The following RBM41 variants were observed in gnomAD, a reference collection of about 807,000 sequenced individuals.
RBM41 encodes the protein RNA binding motif protein 41, also known as RNA-binding protein 41.
A neutral mutation model predicts 30.8 loss-of-function variants in RBM41; 14 were observed. That is an observed-to-expected ratio of 0.45 (90% confidence interval 0.30 to 0.71). The LOEUF (loss-of-function observed/expected upper bound fraction) is 0.71. RBM41 is among the 30% of genes least tolerant of loss of function. The pLI, the probability that RBM41 is intolerant of heterozygous loss-of-function variation, is 0.08. For synonymous variants in RBM41, 120 were observed against 110.1 expected, an observed-to-expected ratio of 1.09 and a Z score of -0.56; for missense variants, 276 against 326.3, an observed-to-expected ratio of 0.85 and a Z score of 1.19.
At chrX:107,114,874 T>C (rs1260774263) in intron 4 of RBM41, 2 of 119,128 alleles carry the variant, frequency 1.7e-5, no homozygotes, top group African/African-American at 6.5e-5. Context: ...CTAAAGACCC[T>C]TCACAATCTA....
intron 5 of RBM41, among the ~76,000 whole-genome samples, chrX:107,104,597 T>C (rs908495621): frequency 1.8e-5 from 2 of 111,674 alleles, no homozygotes; most frequent in Non-Finnish European, 3.8e-5. Flanking sequence ...CTTATTATGG[T>C]ATACAGTAAA....
chrX:107,053,858 T>C, the RBM41 span, among the ~76,000 whole-genome samples: 1 of 112,040 alleles, frequency 8.9e-6, no homozygotes, highest in African/African-American at 3.2e-5. Flanking sequence ...CAACTAGGAT[T>C]AATCATTTTC....
chrX:107,104,331 AT>A lies in RBM41; in HGVS notation c.595+9065del, dbSNP rs752814957. Among the ~76,000 whole-genome samples the A allele has an allele frequency of 9.3e-3, 1,035 of 111,382 alleles. 14 individuals are homozygous for A. The highest frequency in any genetic ancestry group is 0.032 in the African/African-American group (971 of 30,685). ...AACATACATTAATAAAGATGGATTG[AT>A]AGATGGGTATGGGTATAGATAGATT... is the stretch of plus-strand genomic sequence containing the variant. On this transcript the variant is annotated intron_variant, in intron 5 of 7. Coordinates refer to ENST00000685964, the MANE Select transcript of RBM41 (RefSeq NM_001324242.2).
intron 5 of RBM41, among the ~76,000 whole-genome samples, chrX:107,104,079 C>T (rs946461671): frequency 1.8e-5 from 2 of 110,242 alleles, no homozygotes; most frequent in Admixed American, 9.7e-5. Flanking sequence ...TCCCCGCTCC[C>T]CTCCCCTACC....
At chrX:107,080,584 C>CATGAA (rs1921422546) in intron 6 of RBM41, among the ~76,000 whole-genome samples, 1 of 85,181 alleles carries the variant, frequency 1.2e-5, no homozygotes, top group African/African-American at 5.5e-5. Context: ...TGCCTCAAAA[C>CATGAA]ACGAAACAAA....
intron 5 of RBM41, among the ~76,000 whole-genome samples, chrX:107,092,995 T>C (rs1275108535): frequency 8.9e-6 from 1 of 112,036 alleles, no homozygotes; most frequent in Non-Finnish European, 1.9e-5. Context: ...TATAAAATTC[T>C]GGTACGTTTA....
At position 107,067,651 on chromosome X, in the gene RBM41, T is replaced by C; in HGVS notation, c.1190A>G (p.Tyr397Cys). Reference sequence around the variant, plus strand: ...CACCAATATTTTCCCATGTAGTTTGTATCCATTTACTAGATGCAATGCTTG... The same window carrying C: ...CACCAATATTTTCCCATGTAGTTTGCATCCATTTACTAGATGCAATGCTTG... Reference protein sequence around the residue: ...AWQALHLVNGYKLHGKILVIE... With the variant: ...AWQALHLVNGCKLHGKILVIE... Residue 397 changes from tyrosine to cysteine, a missense_variant, in exon 8 of 8, where the codon TAC becomes TGC. By Grantham distance (194) the Tyr-to-Cys change is radical. Transcript: ENST00000685964. 1 of 1,210,041 alleles carries C rather than the reference T, an allele frequency of 8.3e-7. No homozygotes were observed.
At chrX:107,077,087 G>T (rs1255375792) in intron 6 of RBM41, among the ~76,000 whole-genome samples, 1 of 111,520 alleles carries the variant, frequency 9.0e-6, no homozygotes, top group Non-Finnish European at 1.9e-5. Context: ...AACAAACTTC[G>T]AGTTTCTCAT....
At chrX:107,091,613 C>T (rs1303211044) in intron 5 of RBM41, among the ~76,000 whole-genome samples, 1 of 111,880 alleles carries the variant, frequency 8.9e-6, no homozygotes, top group African/African-American at 3.2e-5. Context: ...CCCCTTTATC[C>T]CATTCCCTTC....
intron 2 of RBM41, 24 bp from the exon 3 acceptor site, chrX:107,116,078 T>C (rs748337042): frequency 8.9e-7 from 1 of 1,122,648 alleles, no homozygotes; most frequent in South Asian, 2.5e-5. Flanking sequence ...AGGAGGAGAG[T>C]AAGAACATCT....
At chrX:107,079,093 T>C (rs1439516727) in intron 6 of RBM41, among the ~76,000 whole-genome samples, 1 of 111,667 alleles carries the variant, frequency 9.0e-6, no homozygotes, top group Non-Finnish European at 1.9e-5. Context: ...ATAAGGATGC[T>C]GTGCAAGCTC....
intron 6 of RBM41, among the ~76,000 whole-genome samples, chrX:107,073,362 A>C (rs762755221): frequency 8.9e-6 from 1 of 112,317 alleles, no homozygotes; most frequent in African/African-American, 3.2e-5. Flanking sequence ...GAAGACATAC[A>C]AATTGCCAAC....
In RBM41 at chrX:107,115,516, C is replaced by T. The variant is rs764608753; in HGVS notation, c.359G>A (p.Arg120His). 6 of 1,211,408 alleles carry T rather than the reference C, an allele frequency of 5.0e-6. No individual in the cohort carries two copies. Among genetic ancestry groups the T allele is most frequent in the South Asian group, 1.8e-5 (1 of 56,960 alleles). ...LRATPEAIQN[R>H]LQDIEERISE... Reference sequence around the variant, plus strand: ...GATCCTTTCTTCAATATCTTGAAGACGGTTCTGTATTGCTTCAGGAGTTGC... The same window carrying T: ...GATCCTTTCTTCAATATCTTGAAGATGGTTCTGTATTGCTTCAGGAGTTGC... The change falls in exon 4 of 8, where the codon CGT becomes CAT. Residue 120 changes from arginine (R) to histidine (H), a missense_variant. By Grantham distance (29) the Arg-to-His change is conservative. Coordinates refer to ENST00000685964, the MANE Select transcript of RBM41 (RefSeq NM_001324242.2).
At chrX:107,069,494 AC>A in intron 6 of RBM41, 92 bp from the exon 7 acceptor site, 1 of 1,015,107 alleles carries the variant, frequency 9.9e-7, no homozygotes, top group Admixed American at 3.0e-5. Context: ...TCACTCTGTC[AC>A]CCAGGCTGGA....
At chrX:107,054,771 G>A in the RBM41 span, among the ~76,000 whole-genome samples, 1 of 111,932 alleles carries the variant, frequency 8.9e-6, no homozygotes, top group Non-Finnish European at 1.9e-5. Flanking sequence ...TGAGCCTTTG[G>A]TTTGGAAACC....
intron 6 of RBM41, among the ~76,000 whole-genome samples, chrX:107,079,678 T>G (rs1456501699): frequency 8.9e-6 from 1 of 112,099 alleles, no homozygotes; most frequent in African/African-American, 3.2e-5. Context: ...CTTTGTGCTA[T>G]GTAGTTTAAT....
chrX:107,058,801 C>T (rs988178438), downstream of RBM41, among the ~76,000 whole-genome samples: 1 of 111,130 alleles, frequency 9.0e-6, no homozygotes, highest in South Asian at 3.8e-4. Flanking sequence ...ATCAGGGTAC[C>T]CTCATGGTCA....
chrX:107,058,293 CAAAA>C (rs201428990), downstream of RBM41, among the ~76,000 whole-genome samples: 1,466 of 45,639 alleles, frequency 0.032, 40 homozygotes, highest in African/African-American at 0.084. Context: ...AACTCCGTCT[CAAAA>C]AAAAAAAAAA....
At chrX:107,091,808 T>C (rs1165419598) in intron 5 of RBM41, among the ~76,000 whole-genome samples, 1 of 112,195 alleles carries the variant, frequency 8.9e-6, no homozygotes, top group African/African-American at 3.2e-5. Context: ...CTTAACAATA[T>C]GTCCTGGAGA....
Sources: gnomAD v4.1 joint callset for allele counts (sites outside exome capture counted in the v4.1 genomes callset) on GRCh38, gnomAD v4.1.1 for gene constraint, MANE v1.5 for transcripts, NCBI Gene and HGNC (gene_info 2026-07-23, HGNC 2026-07-21) for gene names.